The following HSF2BP variants were observed in gnomAD, a reference collection of about 807,000 sequenced individuals.
HSF2BP encodes heat shock transcription factor 2 binding protein, also known as heat shock factor 2-binding protein.
Under a neutral mutation model 35.0 loss-of-function variants are expected in HSF2BP, and 35 were observed. That is an observed-to-expected ratio of 1.00 (90% CI 0.76 to 1.32). HSF2BP has a LOEUF of 1.32. Among genes scored for constraint, HSF2BP ranks in the 40% most tolerant of loss-of-function variants. The pLI, the probability that HSF2BP is intolerant of heterozygous loss-of-function variation, is 0.00. For missense variants in HSF2BP, 326 were observed against 321.7 expected (o/e 1.01, Z -0.10); for synonymous variants, 114 against 117.4 (o/e 0.97, Z 0.18).
intron 7 of HSF2BP, among the ~76,000 whole-genome samples, chr21:43,600,605 G>T (rs2082040357): frequency 6.6e-6 from 1 of 152,184 alleles, no homozygotes; most frequent in Non-Finnish European, 1.5e-5. Flanking sequence ...TTTAGATTCT[G>T]TGCCTCTTTC....
chr21:43,617,725 G>A (rs1044442723), intron 6 of HSF2BP, among the ~76,000 whole-genome samples: 8 of 151,970 alleles, frequency 5.3e-5, no homozygotes, highest in African/African-American at 1.4e-4. Flanking sequence ...AGGCCAAGGC[G>A]GGTGGATCAC....
chr21:43,613,100 A>G (rs762806625), intron 7 of HSF2BP, among the ~76,000 whole-genome samples: 2 of 152,222 alleles, frequency 1.3e-5, no homozygotes, highest in African/African-American at 2.4e-5. Flanking sequence ...CTTGAAGTAA[A>G]CTTTTTAACA....
At chr21:43,607,921 C>T (rs140615419) in intron 7 of HSF2BP, among the ~76,000 whole-genome samples, 1 of 152,262 alleles carries the variant, frequency 6.6e-6, no homozygotes, top group East Asian at 1.9e-4. Flanking sequence ...TGGACCACTA[C>T]CTCTAACCAC....
chr21:43,587,749 C>G (rs900919738), intron 8 of HSF2BP, among the ~76,000 whole-genome samples: 3 of 151,454 alleles, frequency 2.0e-5, no homozygotes, highest in African/African-American at 7.3e-5. Flanking sequence ...TTAACAAGCA[C>G]CTCATATTAT....
chr21:43,616,749 T>C (rs2082275895), intron 6 of HSF2BP, among the ~76,000 whole-genome samples: 1 of 151,988 alleles, frequency 6.6e-6, no homozygotes, highest in Non-Finnish European at 1.5e-5. Context: ...CTGGCTAACA[T>C]GATGAAACCG....
At chr21:43,575,068 G>T (rs2081625667) in intron 8 of HSF2BP, among the ~76,000 whole-genome samples, 1 of 152,222 alleles carries the variant, frequency 6.6e-6, no homozygotes, top group Non-Finnish European at 1.5e-5. Flanking sequence ...AGCTCCTGCT[G>T]TGCTTTTCAG....
chr21:43,580,519 C>T (rs2081711833), intron 8 of HSF2BP, among the ~76,000 whole-genome samples: 1 of 152,214 alleles, frequency 6.6e-6, no homozygotes, highest in African/African-American at 2.4e-5. Flanking sequence ...AGAAAACAGT[C>T]CCAGCATTCT....
chr21:43,585,589 T>C (rs1452509664), intron 8 of HSF2BP, among the ~76,000 whole-genome samples: 1 of 150,490 alleles, frequency 6.6e-6, no homozygotes. Context: ...AGGGTTGCAA[T>C]GAGCCAAGAC....
chr21:43,589,144 A>G (rs1352057516), intron 8 of HSF2BP, among the ~76,000 whole-genome samples: 2 of 152,196 alleles, frequency 1.3e-5, no homozygotes, highest in East Asian at 3.9e-4. Flanking sequence ...AGGAACCCCA[A>G]GCTCTGGCTG....
rs1040367268 is a variant in HSF2BP, at chr21:43,659,481, C to T, written c.-320G>A. On this transcript the variant is annotated 5_prime_UTR_variant, in exon 1 of 9. Transcript: ENST00000291560. The surrounding 1 kb of genome is among the most constrained non-coding windows in gnomAD (Gnocchi z 4.2). The stretch of plus-strand genomic sequence containing the variant: ...GCTCCGCCAGCTGCCAGGGCCACTG[C>T]CGCGCTCACTCCCAGAGCGCGCTGC... 7 of 473,684 alleles carry T rather than the reference C, an allele frequency of 1.5e-5. No homozygotes were observed. The highest frequency in any genetic ancestry group is 2.1e-5 in the Non-Finnish European group (7 of 331,338). 29.3% of individuals were successfully genotyped at this position (473,684 alleles called of 1,614,324 possible). A position where few individuals can be genotyped will look rare whatever the true frequency, so the allele number is the denominator to read the frequency against.
intron 3 of HSF2BP, among the ~76,000 whole-genome samples, chr21:43,646,914 A>C (rs2082716381): frequency 2.0e-5 from 3 of 152,216 alleles, no homozygotes; most frequent in African/African-American, 7.2e-5. Flanking sequence ...GCCCCACTGC[A>C]TGCATGCTAC....
intron 6 of HSF2BP, among the ~76,000 whole-genome samples, chr21:43,618,949 A>C (rs2082301639): frequency 6.6e-6 from 1 of 151,942 alleles, no homozygotes; most frequent in African/African-American, 2.4e-5. Flanking sequence ...CGTCTCAAAA[A>C]AAGAAAAAAA....
chr21:43,467,435 G>A, the HSF2BP span: 5 of 88,004 alleles, frequency 5.7e-5, no homozygotes, highest in Admixed American at 6.5e-4. Context: ...ACCACATCCT[G>A]ACCTCAGGAT....
At chr21:43,654,562 G>A (rs2082839918) in intron 3 of HSF2BP, among the ~76,000 whole-genome samples, 1 of 151,948 alleles carries the variant, frequency 6.6e-6, no homozygotes, top group African/African-American at 2.4e-5. Context: ...TCGGTGTTCT[G>A]GTATGGTCTT....
At chr21:43,632,419 CCACA>C (rs1343430237) in intron 5 of HSF2BP, among the ~76,000 whole-genome samples, 27 of 137,110 alleles carry the variant, frequency 2.0e-4, no homozygotes, top group African/African-American at 3.3e-4. Context: ...ACACATGCTC[CCACA>C]CACACACACA....
chr21:43,468,029 CACA>C, the HSF2BP span, among the ~76,000 whole-genome samples: 1 of 134,808 alleles, frequency 7.4e-6, no homozygotes, highest in African/African-American at 2.8e-5. Flanking sequence ...ACACACAGCA[CACA>C]CCACACCACA....
chr21:43,601,652 T>C (rs993482375), intron 7 of HSF2BP, among the ~76,000 whole-genome samples: 6 of 152,172 alleles, frequency 3.9e-5, no homozygotes, highest in African/African-American at 1.4e-4. Context: ...AGAGACCAAT[T>C]CAGTGGCTGG....
intron 3 of HSF2BP, among the ~76,000 whole-genome samples, chr21:43,647,432 T>C (rs760217865): frequency 2.6e-4 from 40 of 152,092 alleles, no homozygotes; most frequent in Non-Finnish European, 5.1e-4. Flanking sequence ...GGTTTCACTA[T>C]GTTGGCCAGG....
chr21:43,621,232 A>G (rs1344165563), intron 6 of HSF2BP, among the ~76,000 whole-genome samples: 1 of 152,234 alleles, frequency 6.6e-6, no homozygotes. Flanking sequence ...CTCAACAGAA[A>G]CTATACAAGC....
Sources: allele counts gnomAD v4.1 joint callset (sites outside exome capture counted in the v4.1 genomes callset), GRCh38; gene constraint gnomAD v4.1.1; non-coding constraint Gnocchi (gnomAD v3.1); transcripts MANE v1.5; gene names NCBI Gene and HGNC (gene_info 2026-07-23, HGNC 2026-07-21).